The following AKAP19 variants were observed in gnomAD, a reference collection of about 807,000 sequenced individuals.
AKAP19 encodes the protein small A-kinase anchoring protein.
chr2:190,186,297 T>C, the AKAP19 span, among the ~76,000 whole-genome samples: 1 of 152,348 alleles, frequency 6.6e-6, no homozygotes, highest in East Asian at 1.9e-4. The surrounding 1 kb of genome is among the most constrained non-coding windows in gnomAD (Gnocchi z 5.5). Context: ...AGTTCACAGA[T>C]AAAATCATAC....
chr2:190,196,723 G>C, the AKAP19 span, among the ~76,000 whole-genome samples: 2 of 152,068 alleles, frequency 1.3e-5, no homozygotes, highest in Non-Finnish European at 2.9e-5. Context: ...TGGTCCATAG[G>C]CTGGCTATTT....
the AKAP19 span, chr2:189,917,212 C>T: frequency 2.1e-6 from 2 of 941,900 alleles, no homozygotes; most frequent in African/African-American, 3.4e-5. Context: ...ATGCAGTGAT[C>T]AAAATACTTA....
At chr2:190,067,169 C>A in the AKAP19 span, among the ~76,000 whole-genome samples, 3,705 of 152,198 alleles carry the variant, frequency 0.024, 158 homozygotes, top group East Asian at 0.18. Context: ...TTCAAGCATG[C>A]ATTTTATTTG....
the AKAP19 span, among the ~76,000 whole-genome samples, chr2:189,956,161 A>G: frequency 1.3e-5 from 1 of 75,806 alleles, no homozygotes; most frequent in African/African-American, 5.4e-5. Context: ...TTTTACTAGT[A>G]TATTTTCTTT....
chr2:190,143,399 T>C, the AKAP19 span, among the ~76,000 whole-genome samples: 138,471 of 151,954 alleles, frequency 0.91, 64,006 homozygotes, highest in East Asian at 1. Flanking sequence ...AAGCTCCTAG[T>C]CATCCTGTAG....
the AKAP19 span, among the ~76,000 whole-genome samples, chr2:190,166,946 A>G: frequency 1.3e-5 from 2 of 152,306 alleles, no homozygotes; most frequent in South Asian, 2.1e-4. Flanking sequence ...GAAATGAAAG[A>G]CCAATTATTT....
At chr2:190,120,072 G>T in the AKAP19 span, among the ~76,000 whole-genome samples, 1 of 152,182 alleles carries the variant, frequency 6.6e-6, no homozygotes, top group Admixed American at 6.5e-5. Flanking sequence ...GACGGTACCA[G>T]TCCGTGGCCT....
At chr2:190,165,453 A>C in the AKAP19 span, among the ~76,000 whole-genome samples, 209 of 152,304 alleles carry the variant, frequency 1.4e-3, 1 homozygote, top group Non-Finnish European at 2.2e-3. Context: ...AATACAATAC[A>C]AAACAAAACA....
chr2:189,960,839 A>G, the AKAP19 span, among the ~76,000 whole-genome samples: 1 of 152,300 alleles, frequency 6.6e-6, no homozygotes, highest in African/African-American at 2.4e-5. Context: ...ACTGCTTTTT[A>G]TAAAAGTATA....
the AKAP19 span, among the ~76,000 whole-genome samples, chr2:190,146,259 A>G: frequency 6.6e-6 from 1 of 152,204 alleles, no homozygotes; most frequent in African/African-American, 2.4e-5. Flanking sequence ...TAACTGAGTT[A>G]CTTCACTTAG....
At chr2:189,926,469 G>T in the AKAP19 span, among the ~76,000 whole-genome samples, 2 of 150,796 alleles carry the variant, frequency 1.3e-5, no homozygotes, top group Non-Finnish European at 2.9e-5. Flanking sequence ...TGGGTTTTTA[G>T]TAGAGACGGG....
At chr2:189,974,844 T>A in the AKAP19 span, among the ~76,000 whole-genome samples, 1 of 152,206 alleles carries the variant, frequency 6.6e-6, no homozygotes, top group Admixed American at 6.5e-5. Flanking sequence ...TAGATCTTCC[T>A]CCATCCCTTT....
the AKAP19 span, among the ~76,000 whole-genome samples, chr2:189,933,910 G>A: frequency 6.6e-6 from 1 of 151,950 alleles, no homozygotes; most frequent in East Asian, 1.9e-4. Flanking sequence ...AGCTAAATAT[G>A]GCATGTCCTA....
the AKAP19 span, among the ~76,000 whole-genome samples, chr2:190,114,356 A>C: frequency 6.6e-6 from 1 of 152,206 alleles, no homozygotes; most frequent in Middle Eastern, 3.2e-3. Flanking sequence ...ATGGCCTATA[A>C]TAGTTATTTC....
chr2:190,062,573 A>T, the AKAP19 span: 2 of 1,612,508 alleles, frequency 1.2e-6, no homozygotes, highest in East Asian at 4.5e-5. Context: ...GGTAAATATA[A>T]ACACAGAGTT....
the AKAP19 span, among the ~76,000 whole-genome samples, chr2:190,132,431 G>C: frequency 6.6e-6 from 1 of 152,170 alleles, no homozygotes; most frequent in African/African-American, 2.4e-5. Context: ...GCATGGTACT[G>C]ACATTAAAAA....
the AKAP19 span, among the ~76,000 whole-genome samples, chr2:190,038,521 C>T: frequency 6.6e-6 from 1 of 152,304 alleles, no homozygotes; most frequent in African/African-American, 2.4e-5. Context: ...AATCAGGGCA[C>T]CATCCTCAAT....
At chr2:189,880,218 G>GTTCTTA in the AKAP19 span, among the ~76,000 whole-genome samples, 2 of 152,022 alleles carry the variant, frequency 1.3e-5, no homozygotes. Flanking sequence ...TTCATCTTAT[G>GTTCTTA]TTCTTATGTC....
the AKAP19 span, among the ~76,000 whole-genome samples, chr2:189,997,457 A>G: frequency 6.6e-6 from 1 of 152,142 alleles, no homozygotes; most frequent in Non-Finnish European, 1.5e-5. Context: ...AGGGCTTGCC[A>G]CAGCCATTGT....
Sources: allele counts gnomAD v4.1 joint callset (sites outside exome capture counted in the v4.1 genomes callset), GRCh38; gene constraint gnomAD v4.1.1; non-coding constraint Gnocchi (gnomAD v3.1); transcripts MANE v1.5; gene names NCBI Gene and HGNC (gene_info 2026-07-23, HGNC 2026-07-21).